The following GABRA2 variants were observed in gnomAD, a reference collection of about 807,000 sequenced individuals.
GABRA2 encodes gamma-aminobutyric acid type A receptor subunit alpha2.
A neutral mutation model predicts 48.7 loss-of-function variants in GABRA2; 16 were observed. That is an observed-to-expected ratio of 0.33 (90% confidence interval 0.22 to 0.50). The LOEUF (loss-of-function observed/expected upper bound fraction) is 0.50, where lower values mean the gene tolerates loss of function less well. GABRA2 is among the 20% of genes least tolerant of loss of function. The probability of loss-of-function intolerance (pLI) is 0.98; values close to 1 mark genes in which losing one functional copy is unlikely to be tolerated. For missense variants in GABRA2, 275 were observed against 535.6 expected (o/e 0.51, Z 4.80); for synonymous variants, 185 against 184.5 (o/e 1.00, Z -0.02).
intron 8 of GABRA2, among the ~76,000 whole-genome samples, chr4:46,275,679 A>C (rs1005737411): frequency 2.6e-5 from 4 of 152,056 alleles, no homozygotes; most frequent in Non-Finnish European, 4.4e-5. Flanking sequence ...TTATTTTTCT[A>C]TTTCACTCTT....
chr4:46,288,954 AAACTT>A (rs1241658774), intron 8 of GABRA2, among the ~76,000 whole-genome samples: 2 of 152,212 alleles, frequency 1.3e-5, no homozygotes, highest in African/African-American at 2.4e-5. Context: ...CATATGAAAA[AAACTT>A]AACATCATTG....
chr4:46,353,320 C>T lies in GABRA2; in HGVS notation c.188-20638G>A, dbSNP rs778267722. 1.2e-4 allele frequency among the ~76,000 whole-genome samples: 18 copies of T among 152,170 alleles called. No individual in the cohort carries two copies. The South Asian group carries it at 1.7e-3, about 14-fold the overall frequency. On this transcript the variant is annotated intron_variant, in intron 3 of 9. Coordinates refer to ENST00000381620, the MANE Select transcript of GABRA2 (RefSeq NM_000807.4). Reference sequence around the variant, plus strand: ...GGTCCAAGCCACCACTGTCTCTCACCTAGGTAAAAGCAGTGCCCTCTTGAC... The same window carrying T: ...GGTCCAAGCCACCACTGTCTCTCACTTAGGTAAAAGCAGTGCCCTCTTGAC...
rs1560510421 is a variant in GABRA2 at position 46,310,202 on chromosome 4, G to A, written c.530C>T (p.Ala177Val). The stretch of plus-strand genomic sequence containing the variant: ...GCCAAATTTCAGAGGACATGAATGA[G>A]CATCCATTGGGAAATCCTCCAAGTG... Reference protein sequence around the residue: ...PMHLEDFPMDAHSCPLKFGSY... With the variant: ...PMHLEDFPMDVHSCPLKFGSY... The change falls in exon 6 of 10, where the codon GCT (alanine) becomes GTT (valine). Residue 177 changes from alanine to valine, a missense_variant. Physicochemically the swap from Ala to Val is moderately conservative, Grantham distance 64. Around this residue, in one of 4 missense-constraint regions of GABRA2, gnomAD observed 113 missense variants for 257.1 expected, o/e 0.44. Coordinates refer to ENST00000381620, the MANE Select transcript of GABRA2 (RefSeq NM_000807.4). 2 of 1,613,376 alleles carry A rather than the reference G, an allele frequency of 1.2e-6. No individual in the cohort carries two copies. The highest frequency in any genetic ancestry group is 1.3e-5 in the African/African-American group (1 of 74,904).
At chr4:46,268,302 G>A (rs1242941192) in intron 8 of GABRA2, among the ~76,000 whole-genome samples, 3 of 151,774 alleles carry the variant, frequency 2.0e-5, no homozygotes, top group Admixed American at 1.3e-4. Flanking sequence ...ACATCTGAAA[G>A]GTGCTTCATT....
At chr4:46,259,590 T>C (rs2109341155) in intron 9 of GABRA2, among the ~76,000 whole-genome samples, 1 of 152,054 alleles carries the variant, frequency 6.6e-6, no homozygotes, top group Non-Finnish European at 1.5e-5. Context: ...AAACATACAA[T>C]ATCAATATGG....
intron 8 of GABRA2, among the ~76,000 whole-genome samples, chr4:46,267,220 T>G (rs1267739413): frequency 6.6e-6 from 1 of 152,122 alleles, no homozygotes; most frequent in East Asian, 1.9e-4. Flanking sequence ...CTTTTTGGAC[T>G]GTTTGAATCT....
At chr4:46,328,939 T>C (rs1194941254) in intron 4 of GABRA2, among the ~76,000 whole-genome samples, 1 of 152,092 alleles carries the variant, frequency 6.6e-6, no homozygotes. Flanking sequence ...CCATAAAATG[T>C]ATATTTTTTT....
At chr4:46,276,625 T>G (rs1307956680) in intron 8 of GABRA2, among the ~76,000 whole-genome samples, 2 of 150,664 alleles carry the variant, frequency 1.3e-5, no homozygotes. Context: ...AAGAGCGTAG[T>G]TTGATGTCAT....
At chr4:46,261,650 G>T (rs1469124855) in intron 9 of GABRA2, 3 of 528,294 alleles carry the variant, frequency 5.7e-6, no homozygotes, top group African/African-American at 3.8e-5. Flanking sequence ...TCATAAGGAT[G>T]CTATAAAGAT....
At chr4:46,353,946 T>G (rs1735561502) in intron 3 of GABRA2, among the ~76,000 whole-genome samples, 1 of 152,128 alleles carries the variant, frequency 6.6e-6, no homozygotes. Flanking sequence ...ATCTCATCTG[T>G]TCACTGATAA....
At position 46,245,949 on chromosome 4, in the gene GABRA2, G is replaced by T. The variant is rs1321095865; in HGVS notation, c.*4359C>A. ...AATATTTCAACTTAACAAGATGGAA[G>T]ACACAGTGGTCTAGATATGTTGATA... On this transcript the variant is annotated 3_prime_UTR_variant, in exon 10 of 10. Coordinates refer to ENST00000381620, the MANE Select transcript of GABRA2 (RefSeq NM_000807.4). 1.3e-5 allele frequency among the ~76,000 whole-genome samples: 2 copies of T among 151,014 alleles called. No homozygotes were observed. The highest frequency in any genetic ancestry group is 3.0e-5 in the Non-Finnish European group (2 of 67,394).
chr4:46,285,596 C>A (rs1160101126), intron 8 of GABRA2, among the ~76,000 whole-genome samples: 1 of 151,994 alleles, frequency 6.6e-6, no homozygotes, highest in African/African-American at 2.4e-5. Flanking sequence ...CTTTATTAAA[C>A]AAATAATTCA....
intron 9 of GABRA2, among the ~76,000 whole-genome samples, chr4:46,254,171 T>G (rs1195911492): frequency 6.6e-6 from 1 of 151,460 alleles, no homozygotes; most frequent in Non-Finnish European, 1.5e-5. Flanking sequence ...TGACTGCTAT[T>G]AAAAATAACT....
At chr4:46,316,614 A>T (rs1326778087) in intron 4 of GABRA2, among the ~76,000 whole-genome samples, 1 of 152,008 alleles carries the variant, frequency 6.6e-6, no homozygotes, top group Admixed American at 6.6e-5. Flanking sequence ...AGAAGTGTAT[A>T]AATGTTCTTG....
chr4:46,288,390 G>T (rs570651151), intron 8 of GABRA2, among the ~76,000 whole-genome samples: 5 of 152,094 alleles, frequency 3.3e-5, no homozygotes, highest in South Asian at 2.1e-4. Flanking sequence ...GAAATAGGAT[G>T]ATGTCAACTG....
chr4:46,309,337 A>G (rs1357523228), intron 6 of GABRA2, among the ~76,000 whole-genome samples: 1 of 152,118 alleles, frequency 6.6e-6, no homozygotes, highest in Non-Finnish European at 1.5e-5. Flanking sequence ...AGATGAGAGT[A>G]CTGTATTTCT....
At chr4:46,272,842 T>G (rs1181253922) in intron 8 of GABRA2, among the ~76,000 whole-genome samples, 1 of 152,032 alleles carries the variant, frequency 6.6e-6, no homozygotes, top group Non-Finnish European at 1.5e-5. Flanking sequence ...GCCAGACTAA[T>G]CAAAGCCTGT....
chr4:46,304,127 C>T (rs1327668263), intron 7 of GABRA2, among the ~76,000 whole-genome samples: 1 of 152,080 alleles, frequency 6.6e-6, no homozygotes, highest in Non-Finnish European at 1.5e-5. Flanking sequence ...CAAAGGAATT[C>T]AGAATTCATA....
intron 8 of GABRA2, among the ~76,000 whole-genome samples, chr4:46,275,422 T>G (rs2109428716): frequency 6.6e-6 from 1 of 152,136 alleles, no homozygotes; most frequent in Middle Eastern, 3.4e-3. Context: ...GACCTAGAGG[T>G]TCTGCATTAA....
Sources: allele counts gnomAD v4.1 joint callset (sites outside exome capture counted in the v4.1 genomes callset), GRCh38; gene constraint gnomAD v4.1.1; regional missense constraint gnomAD v4.1.1; transcripts MANE v1.5; gene names NCBI Gene and HGNC (gene_info 2026-07-23, HGNC 2026-07-21).